Variants in MRC1 observed in about 807,000 individuals in gnomAD.
MRC1 encodes macrophage mannose receptor 1.
Under a neutral mutation model 102.9 loss-of-function variants are expected in MRC1, and 62 were observed. The observed-to-expected ratio is 0.60, with a 90% CI of 0.49 to 0.74. The LOEUF is 0.74. Ranked by LOEUF, MRC1 falls within the 30% of genes least tolerant of loss-of-function variation. The pLI is 0.00. For missense variants in MRC1, 1,237 were observed against 862.8 expected (o/e 1.43, Z -5.43); for synonymous variants, 457 against 298.4 (o/e 1.53, Z -5.48).
chr10:17,901,342 T>C (rs1285000061), intron 25 of MRC1, among the ~76,000 whole-genome samples: 1 of 152,120 alleles, frequency 6.6e-6, no homozygotes, highest in African/African-American at 2.4e-5. Flanking sequence ...AGGAAAACAG[T>C]GACTTAAAAA....
Position 17,875,092 on chromosome 10 carries a change from C to T in MRC1, c.2389C>T (p.Pro797Ser). The T allele has an allele frequency of 1.3e-6, 1 of 780,736 alleles. No individual in the cohort carries two copies. The highest frequency in any genetic ancestry group is 2.4e-6 in the Non-Finnish European group (1 of 417,916). The allele number at this position is 780,736 out of a possible 1,614,324, so 48.4% of individuals were successfully genotyped here. Residue 797 changes from proline (P) to serine (S), a missense_variant and splice_region_variant, in exon 17 of 30, where the codon CCA (proline) becomes TCA (serine). By Grantham distance (74) the Pro-to-Ser change is moderately conservative. Transcript: ENST00000569591. Reference sequence around the variant, plus strand: ...GCCTTTTCTCATTAACTTTTCAGATCCACCAGTTACTGAAGATGGGTGGGT... The same window carrying T: ...GCCTTTTCTCATTAACTTTTCAGATTCACCAGTTACTGAAGATGGGTGGGT... ...PEPTPAPQDNPPVTEDGWVIY... is the reference protein window; with the variant it reads ...PEPTPAPQDNSPVTEDGWVIY...
intron 17 of MRC1, 107 bp downstream of exon 17, chr10:17,875,360 C>G (rs904554058): frequency 6.7e-5 from 50 of 740,864 alleles, no homozygotes; most frequent in Non-Finnish European, 1.2e-4. Flanking sequence ...TTTTGGTACA[C>G]CCGTCACCTG....
intron 1 of MRC1, among the ~76,000 whole-genome samples, chr10:17,812,566 G>A (rs1276050255): frequency 7.7e-6 from 1 of 130,604 alleles, no homozygotes; most frequent in African/African-American, 3.0e-5. Flanking sequence ...CCAACAGTAG[G>A]CTTTTTTTTT....
At chr10:17,827,495 C>G in intron 2 of MRC1, 47 bp from the exon 3 acceptor site, 1 of 654,524 alleles carries the variant, frequency 1.5e-6, no homozygotes, top group South Asian at 1.4e-5. Context: ...AGTTAATGTT[C>G]AGAAATATCA....
At chr10:17,894,556 C>T (rs1033635219) in intron 23 of MRC1, among the ~76,000 whole-genome samples, 11 of 151,708 alleles carry the variant, frequency 7.3e-5, no homozygotes, top group Non-Finnish European at 1.3e-4. Flanking sequence ...CACACCACCA[C>T]GCCTGGCTAA....
At chr10:17,811,632 C>T (rs1838224341) in intron 1 of MRC1, among the ~76,000 whole-genome samples, 1 of 152,130 alleles carries the variant, frequency 6.6e-6, no homozygotes, top group African/African-American at 2.4e-5. Flanking sequence ...GTGATCATGG[C>T]TCACTGCAGC....
intron 2 of MRC1, among the ~76,000 whole-genome samples, chr10:17,825,372 G>T (rs1265725316): frequency 1.3e-5 from 2 of 152,174 alleles, no homozygotes; most frequent in Non-Finnish European, 2.9e-5. Context: ...TGATGTGTCA[G>T]TGGGGTAGTT....
chr10:17,836,928 G>A (rs1334489638), intron 4 of MRC1, among the ~76,000 whole-genome samples: 27 of 152,120 alleles, frequency 1.8e-4, no homozygotes, highest in Admixed American at 1.8e-3. Context: ...TGTGTTTTTG[G>A]TTTTTGTGTT....
In MRC1 at chr10:17,860,601, G is replaced by A. The variant is rs1373805211; in HGVS notation, c.1519-786G>A. Among the ~76,000 whole-genome samples the A allele has an allele frequency of 1.1e-4, 16 of 152,284 alleles. No homozygotes were observed. The East Asian group carries it at 3.1e-3, about 29-fold the overall frequency. On this transcript the variant is annotated intron_variant, in intron 9 of 29. Transcript: ENST00000569591. Reference sequence around the variant, plus strand: ...CCATTTCTGTGTATTTGGAGTATGGGAGAAGGAGGAACAATGCTGAATCAT... The same window carrying A: ...CCATTTCTGTGTATTTGGAGTATGGAAGAAGGAGGAACAATGCTGAATCAT...
intron 2 of MRC1, among the ~76,000 whole-genome samples, chr10:17,826,203 T>A (rs1838472124): frequency 6.6e-6 from 1 of 152,180 alleles, no homozygotes; most frequent in Non-Finnish European, 1.5e-5. Flanking sequence ...CTTCCTTTTT[T>A]TTTAAGATTT....
intron 3 of MRC1, among the ~76,000 whole-genome samples, chr10:17,828,494 G>T (rs1838518968): frequency 6.6e-6 from 1 of 151,506 alleles, no homozygotes; most frequent in Non-Finnish European, 1.5e-5. Flanking sequence ...TCTCTGAAAT[G>T]CCTTACCTTT....
chr10:17,852,598 G>T (rs1554840612), intron 7 of MRC1, among the ~76,000 whole-genome samples: 1 of 152,120 alleles, frequency 6.6e-6, no homozygotes, highest in Non-Finnish European at 1.5e-5. Flanking sequence ...AGTGCAGTTG[G>T]CATGGTAAAT....
intron 6 of MRC1, among the ~76,000 whole-genome samples, chr10:17,848,455 CT>C (rs1368710300): frequency 5.9e-5 from 9 of 152,144 alleles, no homozygotes; most frequent in Non-Finnish European, 1.2e-4. Context: ...TTTATTGTCA[CT>C]TTCCCCTAGC....
intron 1 of MRC1, among the ~76,000 whole-genome samples, chr10:17,822,049 A>G (rs574456263): frequency 1.3e-5 from 2 of 151,392 alleles, no homozygotes; most frequent in East Asian, 1.9e-4. Flanking sequence ...TAATTAAAGG[A>G]AAAAAAAATG....
chr10:17,828,744 T>G (rs1440642105), intron 3 of MRC1, among the ~76,000 whole-genome samples: 3 of 151,490 alleles, frequency 2.0e-5, no homozygotes, highest in African/African-American at 4.9e-5. Flanking sequence ...AAAATGAAAA[T>G]TCAGGTTTTA....
At chr10:17,846,246 A>G (rs1838824017) in intron 6 of MRC1, among the ~76,000 whole-genome samples, 1 of 152,182 alleles carries the variant, frequency 6.6e-6, no homozygotes, top group African/African-American at 2.4e-5. Context: ...CTTCAAGAAA[A>G]AAAAAAATCA....
intron 11 of MRC1, among the ~76,000 whole-genome samples, chr10:17,865,633 G>A (rs944658180): frequency 1.3e-5 from 2 of 152,192 alleles, no homozygotes; most frequent in Admixed American, 1.3e-4. Flanking sequence ...TGGGGCTCGG[G>A]CCTGAGCATC....
intron 6 of MRC1, 70 bp from the exon 7 acceptor site, chr10:17,849,509 G>T: frequency 1.3e-6 from 1 of 743,720 alleles, no homozygotes; most frequent in Non-Finnish European, 2.5e-6. Flanking sequence ...TATATAAAAT[G>T]ATTAAAATAT....
At position 17,845,567 on chromosome 10, in the gene MRC1, T is replaced by A; in HGVS notation, c.1063+132T>A. 3 of 721,002 alleles carry A rather than the reference T, an allele frequency of 4.2e-6. No individual in the cohort carries two copies. In the South Asian group the frequency reaches 4.8e-5, roughly 12 times the overall value. 44.7% of individuals were successfully genotyped at this position (721,002 alleles called of 1,614,324 possible). On this transcript the variant is annotated intron_variant, in intron 6 of 29. Coordinates refer to ENST00000569591, the MANE Select transcript of MRC1 (RefSeq NM_002438.4). ...AGTTGATGGGGTAAACTTAATGATA[T>A]TACTGCAATATTTCTGTGTGCTGGT...
Sources: allele counts gnomAD v4.1 joint callset (sites outside exome capture counted in the v4.1 genomes callset), GRCh38; gene constraint gnomAD v4.1.1; transcripts MANE v1.5; gene names NCBI Gene and HGNC (gene_info 2026-07-23, HGNC 2026-07-21).